Variants in ERBIN observed in about 807,000 individuals in gnomAD.
ERBIN encodes erbb2 interacting protein.
In ERBIN, 60 loss-of-function variants were observed where a neutral mutation model predicts 158.4. The observed-to-expected ratio is 0.38, with a 90% CI of 0.31 to 0.47. The LOEUF (loss-of-function observed/expected upper bound fraction) is 0.47. Among genes scored for constraint, ERBIN ranks in the 20% least tolerant of loss-of-function variants. The pLI is 0.99. For synonymous variants in ERBIN, 594 were observed against 557.2 expected, an observed-to-expected ratio of 1.07 and a Z score of -0.93; for missense variants, 1,610 against 1,648.0, an observed-to-expected ratio of 0.98 and a Z score of 0.40.
chr5:66,022,317 C>G (rs1272550842), intron 8 of ERBIN, among the ~76,000 whole-genome samples: 1 of 152,120 alleles, frequency 6.6e-6, no homozygotes, highest in Non-Finnish European at 1.5e-5. Flanking sequence ...TTTAAGAATC[C>G]AACAAGCTTT....
chr5:65,970,538 GTT>G (rs554019377), intron 1 of ERBIN, among the ~76,000 whole-genome samples: 1 of 152,148 alleles, frequency 6.6e-6, no homozygotes, highest in African/African-American at 2.4e-5. Context: ...CTATTTGACT[GTT>G]TTCCCTTACC....
At chr5:65,940,512 G>A (rs1208024680) in intron 1 of ERBIN, among the ~76,000 whole-genome samples, 1 of 132,948 alleles carries the variant, frequency 7.5e-6, no homozygotes, top group Admixed American at 7.0e-5. Context: ...GTCTGGGAGG[G>A]AGGTGGGGGG....
At chr5:66,028,375 T>G (rs762941326) in intron 14 of ERBIN, 32 bp downstream of exon 14, 1 of 1,567,072 alleles carries the variant, frequency 6.4e-7, no homozygotes, top group East Asian at 2.3e-5. Context: ...GTTAATGGAG[T>G]TCTTATTTGT....
chr5:66,078,059 G>T (rs1340687132), intron 25 of ERBIN, among the ~76,000 whole-genome samples: 1 of 152,114 alleles, frequency 6.6e-6, no homozygotes, highest in Non-Finnish European at 1.5e-5. Context: ...AAATATGGTG[G>T]TCTTGATGTG....
At chr5:66,015,029 C>T (rs1754565671) in intron 7 of ERBIN, among the ~76,000 whole-genome samples, 1 of 151,758 alleles carries the variant, frequency 6.6e-6, no homozygotes, top group Non-Finnish European at 1.5e-5. Context: ...ATCAGAAATC[C>T]CAGGTTCGTC....
intron 1 of ERBIN, among the ~76,000 whole-genome samples, chr5:65,930,937 A>G (rs976814384): frequency 6.6e-6 from 1 of 152,214 alleles, no homozygotes; most frequent in Non-Finnish European, 1.5e-5. Context: ...TGTCACTTCA[A>G]ATTTTGTTCC....
intron 1 of ERBIN, among the ~76,000 whole-genome samples, chr5:65,981,743 A>C (rs1750687052): frequency 6.6e-6 from 1 of 151,896 alleles, no homozygotes; most frequent in South Asian, 2.1e-4. Context: ...TATTTCTCTG[A>C]ATTATGTGAA....
rs1272343667 is a variant in ERBIN, at chr5:66,054,725, G to C, written c.3407G>C (p.Gly1136Ala). The C allele has an allele frequency of 6.2e-7, 1 of 1,614,046 alleles. No homozygotes were observed. Among genetic ancestry groups the C allele is most frequent in the Non-Finnish European group, 8.5e-7 (1 of 1,179,974 alleles). The change falls in exon 21 of 26, where the codon GGT becomes GCT. Residue 1136 changes from glycine (G) to alanine (A), a missense_variant. By Grantham distance (60) the Gly-to-Ala change is moderately conservative. This residue lies in a region of ERBIN where 1,014 missense variants were observed against 936.1 expected (regional missense o/e 1.08). Coordinates refer to ENST00000284037, the MANE Select transcript of ERBIN (RefSeq NM_001253697.2). ...PLSARTYSID[G>A]PNASRPQSAR... The stretch of plus-strand genomic sequence containing the variant: ...TCTGCACGAACATACAGCATAGATG[G>C]TCCAAATGCATCAAGACCTCAGAGT...
chr5:65,977,198 ACC>A (rs1156593026), intron 1 of ERBIN, among the ~76,000 whole-genome samples: 11 of 55,190 alleles, frequency 2.0e-4, no homozygotes, highest in East Asian at 4.5e-4. Flanking sequence ...CGGGGGGCTG[ACC>A]CCCCCCCACC....
chr5:65,950,660 C>T (rs967931574), intron 1 of ERBIN, among the ~76,000 whole-genome samples: 5 of 152,222 alleles, frequency 3.3e-5, no homozygotes, highest in Admixed American at 6.5e-5. Flanking sequence ...GAGCTAAGCT[C>T]TGCCTTCTTG....
Position 66,018,512 on chromosome 5 carries a change from A to AC in ERBIN, c.534-2810_534-2809insC, listed in dbSNP as rs1755162015. On this transcript the variant is annotated intron_variant, in intron 7 of 25. Coordinates refer to ENST00000284037, the MANE Select transcript of ERBIN (RefSeq NM_001253697.2). ...TTATATTATATAATATATATTATATATTATATAATATATATTATATTATAT... is the reference window on the plus strand; with the variant it reads ...TTATATTATATAATATATATTATATACTTATATAATATATATTATATTATAT... Among the ~76,000 whole-genome samples, 2 of 11,416 alleles carry AC rather than the reference A, an allele frequency of 1.8e-4. 1 individual carries two copies. The highest frequency in any genetic ancestry group is 3.1e-4 in the Non-Finnish European group (2 of 6,390). The allele number at this position is 11,416 out of a possible 152,430, so 7.5% of individuals were successfully genotyped here.
Position 66,014,705 on chromosome 5 carries a change from C to T in ERBIN, c.513C>T (p.Asn171=), listed in dbSNP as rs1445624793. 3 of 1,447,532 alleles carry T rather than the reference C, an allele frequency of 2.1e-6. No homozygotes were observed. Among genetic ancestry groups the T allele is most frequent in the Non-Finnish European group, 1.9e-6 (2 of 1,070,918 alleles). The allele number at this position is 1,447,532 out of a possible 1,614,324, so 89.7% of individuals were successfully genotyped here. A position where few individuals can be genotyped will look rare whatever the true frequency, so the allele number is the denominator to read the frequency against. The stretch of plus-strand genomic sequence containing the variant: ...TCCAAATATTAGAGCTTAGAGAAAA[C>T]CAGTTAAAAATGTTGCCTAAGTAAG... ...TKLQILELRE[N]QLKMLPKTMN... The change falls in exon 7 of 26, where the codon AAC becomes AAT. Residue 171 remains asparagine, a synonymous_variant. Transcript: ENST00000284037.
intron 1 of ERBIN, among the ~76,000 whole-genome samples, chr5:65,965,623 G>A (rs1345833877): frequency 6.6e-6 from 1 of 151,990 alleles, no homozygotes; most frequent in African/African-American, 2.4e-5. Context: ...GAACTTCTGA[G>A]TTCAAGTGGT....
intron 1 of ERBIN, among the ~76,000 whole-genome samples, chr5:65,982,848 T>C (rs1750800722): frequency 6.6e-6 from 1 of 152,218 alleles, no homozygotes; most frequent in Non-Finnish European, 1.5e-5. Flanking sequence ...GAAGCATGTG[T>C]TCTTATAACG....
chr5:65,979,115 C>G (rs1389948227), intron 1 of ERBIN, among the ~76,000 whole-genome samples: 1 of 152,172 alleles, frequency 6.6e-6, no homozygotes, highest in East Asian at 1.9e-4. Context: ...CCTTGCACTC[C>G]CTGGGAAATA....
At position 66,053,616 on chromosome 5, in the gene ERBIN, T is replaced by G; in HGVS notation, c.2298T>G (p.Asn766Lys). 1.9e-6 allele frequency: 3 copies of G among 1,610,938 alleles called. No individual in the cohort carries two copies. The highest frequency in any genetic ancestry group is 2.5e-6 in the Non-Finnish European group (3 of 1,179,054). The stretch of plus-strand genomic sequence containing the variant: ...ACAAATTAGATCATATCAATATGAA[T>G]CTTAATAAACTTATAACTAATGATA... ...DTHKLDHINM[N>K]LNKLITNDTF... is the part of the protein sequence containing the mutation. The change falls in exon 21 of 26, where the codon AAT becomes AAG. Residue 766 changes from asparagine to lysine, a missense_variant. Coordinates refer to ENST00000284037, the MANE Select transcript of ERBIN (RefSeq NM_001253697.2).
chr5:66,075,833 C>A (rs953674662), intron 23 of ERBIN, among the ~76,000 whole-genome samples: 2 of 151,814 alleles, frequency 1.3e-5, no homozygotes, highest in Non-Finnish European at 2.9e-5. Context: ...TTTAAAATCC[C>A]AACTCCTTTG....
Position 65,968,839 on chromosome 5 carries a change from G to A in ERBIN, c.-57-19796G>A, listed in dbSNP as rs371963396. On this transcript the variant is annotated intron_variant, in intron 1 of 25. Transcript: ENST00000284037. ...GCCTCCCAAAGTGCTGGGATTACAG[G>A]CGTGAGCCACTGCGCCTGGCCTATT... 1.1e-4 allele frequency among the ~76,000 whole-genome samples: 16 copies of A among 152,294 alleles called. No homozygotes were observed. In the East Asian group the frequency reaches 3.1e-3, roughly 29 times the overall value.
intron 20 of ERBIN, among the ~76,000 whole-genome samples, chr5:66,051,373 T>C (rs1017657737): frequency 1.3e-5 from 2 of 152,210 alleles, no homozygotes; most frequent in East Asian, 3.8e-4. Context: ...AGGCTTAATT[T>C]TGTAGGACAC....
Sources: allele counts gnomAD v4.1 joint callset (sites outside exome capture counted in the v4.1 genomes callset), GRCh38; gene constraint gnomAD v4.1.1; regional missense constraint gnomAD v4.1.1; transcripts MANE v1.5; gene names NCBI Gene and HGNC (gene_info 2026-07-23, HGNC 2026-07-21).